SLC35F4: variants seen among roughly 807,000 people sequenced by gnomAD.
SLC35F4 encodes the protein chromosome 14 open reading frame 36.
SLC35F4 carries 24 observed loss-of-function variants against 44.2 expected under a neutral mutation model. The observed-to-expected ratio is 0.54, with a 90% CI of 0.39 to 0.76. SLC35F4 has a LOEUF of 0.76. SLC35F4 is among the 30% of genes least tolerant of loss of function. The pLI, the probability that SLC35F4 is intolerant of heterozygous loss-of-function variation, is 0.00. For missense variants in SLC35F4, 562 were observed against 586.1 expected, an observed-to-expected ratio of 0.96 and a Z score of 0.42; for synonymous variants, 238 against 223.6, an observed-to-expected ratio of 1.06 and a Z score of -0.57.
intron 1 of SLC35F4, among the ~76,000 whole-genome samples, chr14:57,627,224 G>C (rs2072521480): frequency 6.6e-6 from 1 of 152,050 alleles, no homozygotes; most frequent in Non-Finnish European, 1.5e-5. Flanking sequence ...CTCATTATTT[G>C]GGATGCAAGT....
At chr14:57,668,175 G>A (rs1350103080) in intron 1 of SLC35F4, among the ~76,000 whole-genome samples, 1 of 150,878 alleles carries the variant, frequency 6.6e-6, no homozygotes, top group Non-Finnish European at 1.5e-5. Context: ...ACTTTTTGAT[G>A]GGGTTGTTTT....
At chr14:57,638,589 C>A (rs963205120) in intron 1 of SLC35F4, among the ~76,000 whole-genome samples, 1 of 152,070 alleles carries the variant, frequency 6.6e-6, no homozygotes, top group Admixed American at 6.6e-5. Flanking sequence ...GCAGGGTGAA[C>A]CCTTTAAAGA....
At chr14:57,592,496 G>A (rs1442368352) in intron 2 of SLC35F4, among the ~76,000 whole-genome samples, 2 of 152,126 alleles carry the variant, frequency 1.3e-5, no homozygotes, top group Non-Finnish European at 2.9e-5. Flanking sequence ...TTTGTAATCT[G>A]TGTATGATAC....
At chr14:57,975,297 T>G (rs1397287073), downstream of SLC35F4, among the ~76,000 whole-genome samples, 1 of 152,228 alleles carries the variant, frequency 6.6e-6, no homozygotes. Context: ...TACCAAACCC[T>G]ACCTCTTTTA....
At chr14:57,873,695 C>G (rs939774313) in intron 1 of SLC35F4, among the ~76,000 whole-genome samples, 1 of 151,940 alleles carries the variant, frequency 6.6e-6, no homozygotes, top group Non-Finnish European at 1.5e-5. Flanking sequence ...TTCCATTTTC[C>G]AAGTGTTCTG....
At chr14:57,730,226 G>T (rs1194931416) in intron 1 of SLC35F4, among the ~76,000 whole-genome samples, 1 of 152,182 alleles carries the variant, frequency 6.6e-6, no homozygotes, top group Admixed American at 6.5e-5. Context: ...TTTTTTGTGT[G>T]CAGATAGTTG....
At chr14:57,907,784 T>C (rs954296678) in intron 1 of SLC35F4, among the ~76,000 whole-genome samples, 1 of 152,156 alleles carries the variant, frequency 6.6e-6, no homozygotes, top group African/African-American at 2.4e-5. Flanking sequence ...AAGAGATACA[T>C]GCATAACCAG....
chr14:57,797,051 G>C (rs2078069934), intron 1 of SLC35F4, among the ~76,000 whole-genome samples: 1 of 152,286 alleles, frequency 6.6e-6, no homozygotes, highest in East Asian at 1.9e-4. Context: ...ACACAGAACA[G>C]CTTTCAGAAG....
intron 1 of SLC35F4, among the ~76,000 whole-genome samples, chr14:57,629,235 G>A (rs1348585435): frequency 6.6e-6 from 1 of 152,016 alleles, no homozygotes; most frequent in African/African-American, 2.4e-5. Flanking sequence ...TACAAGGACT[G>A]GTTTACTGTC....
At chr14:57,908,858 CA>C (rs1889160601) in intron 1 of SLC35F4, among the ~76,000 whole-genome samples, 1 of 152,094 alleles carries the variant, frequency 6.6e-6, no homozygotes, top group Non-Finnish European at 1.5e-5. Flanking sequence ...AGTCTTTGCC[CA>C]TGCCTATGTC....
chr14:57,809,007 G>T (rs1230291010), intron 1 of SLC35F4, among the ~76,000 whole-genome samples: 1 of 152,044 alleles, frequency 6.6e-6, no homozygotes, highest in Non-Finnish European at 1.5e-5. Flanking sequence ...TTACATAGTG[G>T]CATTTTTTGC....
chr14:57,777,820 A>T (rs187236885), intron 1 of SLC35F4, among the ~76,000 whole-genome samples: 1 of 151,962 alleles, frequency 6.6e-6, no homozygotes, highest in Non-Finnish European at 1.5e-5. Flanking sequence ...AGCCGGATAA[A>T]GAAAGGCAAG....
At chr14:57,931,511 A>G (rs1889696056) in intron 1 of SLC35F4, among the ~76,000 whole-genome samples, 2 of 152,212 alleles carry the variant, frequency 1.3e-5, no homozygotes, top group Admixed American at 6.5e-5. Context: ...GAGGATGTCA[A>G]TTTGGAAACT....
chr14:57,871,856 A>G (rs1360803322), intron 1 of SLC35F4, among the ~76,000 whole-genome samples: 1 of 152,256 alleles, frequency 6.6e-6, no homozygotes, highest in Non-Finnish European at 1.5e-5. Flanking sequence ...CATACAAAGT[A>G]AAGTTACTAA....
intron 1 of SLC35F4, among the ~76,000 whole-genome samples, chr14:57,731,617 G>C (rs948632336): frequency 6.6e-6 from 1 of 152,194 alleles, no homozygotes; most frequent in African/African-American, 2.4e-5. Context: ...CTTTGTACCT[G>C]TCTCTCCTAA....
At chr14:57,883,462 C>T (rs11848536) in intron 1 of SLC35F4, among the ~76,000 whole-genome samples, 5,873 of 152,198 alleles carry the variant, frequency 0.039, 333 homozygotes, top group African/African-American at 0.12. Context: ...CATTTGCCCT[C>T]TACAAATGAA....
chr14:57,735,425 G>A (rs992899006), intron 1 of SLC35F4, among the ~76,000 whole-genome samples: 1 of 152,170 alleles, frequency 6.6e-6, no homozygotes, highest in Non-Finnish European at 1.5e-5. Context: ...CATTCACACA[G>A]CTGCATTCAG....
chr14:57,635,036 G>A (rs1215221651), intron 1 of SLC35F4, among the ~76,000 whole-genome samples: 2 of 152,030 alleles, frequency 1.3e-5, no homozygotes, highest in Admixed American at 6.6e-5. Context: ...GATCACTTGA[G>A]GCCAGGAGTT....
intron 1 of SLC35F4, among the ~76,000 whole-genome samples, chr14:57,915,327 C>T (rs370589034): frequency 2.0e-5 from 3 of 152,278 alleles, no homozygotes; most frequent in Middle Eastern, 6.8e-3. Flanking sequence ...TGATGAAGAG[C>T]ACCTGGCTAC....
Sources: allele counts gnomAD v4.1 joint callset (sites outside exome capture counted in the v4.1 genomes callset), GRCh38; gene constraint gnomAD v4.1.1; transcripts MANE v1.5; gene names NCBI Gene and HGNC (gene_info 2026-07-23, HGNC 2026-07-21).